The following ERBB4 variants were observed in gnomAD, a reference collection of about 807,000 sequenced individuals.
ERBB4 encodes receptor tyrosine-protein kinase erbB-4.
In ERBB4, 42 loss-of-function variants were observed where a neutral mutation model predicts 158.0. The ratio of observed to expected loss-of-function variants is 0.27; its 90% CI spans 0.21 to 0.34. The LOEUF (loss-of-function observed/expected upper bound fraction) is 0.34. ERBB4 is among the 10% of genes least tolerant of loss of function. The pLI is 1.00. For missense variants in ERBB4, 1,333 were observed against 1,624.1 expected, an observed-to-expected ratio of 0.82 and a Z score of 3.08; for synonymous variants, 583 against 558.7, an observed-to-expected ratio of 1.04 and a Z score of -0.61.
chr2:211,605,789 A>AT (rs1016144411), intron 19 of ERBB4, among the ~76,000 whole-genome samples: 2 of 152,092 alleles, frequency 1.3e-5, no homozygotes, highest in African/African-American at 2.4e-5. Context: ...AACAAGAATC[A>AT]TTTTTTTAAC....
At chr2:212,168,089 CT>C (rs1314450805) in intron 1 of ERBB4, among the ~76,000 whole-genome samples, 3 of 151,404 alleles carry the variant, frequency 2.0e-5, no homozygotes, top group African/African-American at 7.3e-5. Flanking sequence ...AAAAACTTGT[CT>C]CATTTCCCTT....
chr2:211,991,093 A>G (rs2082064807), intron 2 of ERBB4, among the ~76,000 whole-genome samples: 1 of 152,068 alleles, frequency 6.6e-6, no homozygotes, highest in Non-Finnish European at 1.5e-5. Context: ...AGTGATGTCT[A>G]TAGCTGACAT....
chr2:211,737,667 C>T (rs1429467272), intron 5 of ERBB4, among the ~76,000 whole-genome samples: 2 of 152,050 alleles, frequency 1.3e-5, no homozygotes, highest in Non-Finnish European at 2.9e-5. Flanking sequence ...CTGTACTTAC[C>T]TCATGAAGCT....
chr2:211,669,420 A>C (rs1574955578), intron 14 of ERBB4, among the ~76,000 whole-genome samples: 1 of 151,660 alleles, frequency 6.6e-6, no homozygotes, highest in Non-Finnish European at 1.5e-5. Flanking sequence ...TTCCCTTACT[A>C]TTTTTTCTCT....
At chr2:211,817,838 A>G (rs13015301) in intron 3 of ERBB4, among the ~76,000 whole-genome samples, 79 of 152,162 alleles carry the variant, frequency 5.2e-4, no homozygotes, top group Non-Finnish European at 1.0e-3. Context: ...CATGACAGCA[A>G]CATTCAAGGG....
chr2:211,527,667 A>C (rs1559262307), intron 20 of ERBB4, among the ~76,000 whole-genome samples: 1 of 152,110 alleles, frequency 6.6e-6, no homozygotes, highest in Non-Finnish European at 1.5e-5. Flanking sequence ...TAGGCAGTAT[A>C]ATAAGATATA....
intron 4 of ERBB4, among the ~76,000 whole-genome samples, chr2:211,763,915 A>ACACACACACACACAAAT (rs1553627666): frequency 2.8e-5 from 1 of 36,210 alleles, no homozygotes; most frequent in African/African-American, 1.1e-4. Flanking sequence ...CACACACACA[A>ACACACACACACACAAAT]ATATATGTAT....
intron 1 of ERBB4, among the ~76,000 whole-genome samples, chr2:212,208,820 T>C (rs1302711750): frequency 6.6e-6 from 1 of 152,196 alleles, no homozygotes; most frequent in Non-Finnish European, 1.5e-5. Flanking sequence ...TCTAACCCCT[T>C]ATTCCATACT....
At chr2:212,471,844 C>A (rs1689132492) in intron 1 of ERBB4, among the ~76,000 whole-genome samples, 1 of 151,696 alleles carries the variant, frequency 6.6e-6, no homozygotes, top group African/African-American at 2.4e-5. Flanking sequence ...CAGCCAAAAG[C>A]AAATCTAGAT....
chr2:212,511,608 T>C (rs1222801021), intron 1 of ERBB4, among the ~76,000 whole-genome samples: 3 of 152,148 alleles, frequency 2.0e-5, no homozygotes, highest in Non-Finnish European at 4.4e-5. Flanking sequence ...AATAGATACT[T>C]ATTTTTTTTC....
intron 2 of ERBB4, among the ~76,000 whole-genome samples, chr2:212,024,910 T>C (rs1521539): frequency 0.89 from 135,744 of 151,746 alleles, 62,375 homozygotes; most frequent in East Asian, 1. Context: ...CATTCCATGC[T>C]ATCCTTTCCT....
rs1037293282 is a variant in ERBB4, at chr2:212,204,766, G to A, written c.83-79863C>T. On this transcript the variant is annotated intron_variant, in intron 1 of 27. Transcript: ENST00000342788. Reference sequence around the variant, plus strand: ...CAGAAATAAGATTAACATCAAGTTGGAACACAGTTCTAAATCTTTGTCTCC... The same window carrying A: ...CAGAAATAAGATTAACATCAAGTTGAAACACAGTTCTAAATCTTTGTCTCC... 2.3e-4 allele frequency among the ~76,000 whole-genome samples: 34 copies of A among 148,610 alleles called. 1 individual carries two copies. Among genetic ancestry groups the A allele is most frequent in the African/African-American group, 7.9e-4 (32 of 40,658 alleles).
At chr2:212,392,623 G>T (rs889701521) in intron 1 of ERBB4, among the ~76,000 whole-genome samples, 1 of 152,002 alleles carries the variant, frequency 6.6e-6, no homozygotes, top group Non-Finnish European at 1.5e-5. Context: ...AATGTCATTC[G>T]ATATTAAGCT....
intron 25 of ERBB4, among the ~76,000 whole-genome samples, chr2:211,414,935 T>TAA (rs1488123979): frequency 6.6e-6 from 1 of 152,088 alleles, no homozygotes; most frequent in Non-Finnish European, 1.5e-5. Context: ...CTTTGTGAAA[T>TAA]AAAAGTGAGA....
intron 1 of ERBB4, among the ~76,000 whole-genome samples, chr2:212,319,944 G>A (rs1160610545): frequency 6.7e-6 from 1 of 150,202 alleles, no homozygotes; most frequent in East Asian, 2.0e-4. Context: ...TTCAAGATCT[G>A]AATAGGAATC....
chr2:211,785,132 T>A (rs1404129219), intron 4 of ERBB4, among the ~76,000 whole-genome samples: 2 of 150,170 alleles, frequency 1.3e-5, no homozygotes, highest in Non-Finnish European at 3.0e-5. Flanking sequence ...AGACGGAGTC[T>A]CACTCTGTCC....
chr2:211,636,123 A>C (rs1189036825), intron 16 of ERBB4, among the ~76,000 whole-genome samples: 3 of 152,040 alleles, frequency 2.0e-5, no homozygotes, highest in African/African-American at 7.2e-5. Flanking sequence ...TTTTAAAAAA[A>C]AAGTATATAA....
intron 19 of ERBB4, among the ~76,000 whole-genome samples, chr2:211,580,789 T>G (rs1416472376): frequency 5.4e-4 from 1 of 1,838 alleles, no homozygotes; most frequent in African/African-American, 2.9e-3. Context: ...GAAATTGTGA[T>G]ATATATATAT....
chr2:211,832,552 T>G (rs2077244649), intron 3 of ERBB4, among the ~76,000 whole-genome samples: 1 of 150,178 alleles, frequency 6.7e-6, no homozygotes, highest in African/African-American at 2.4e-5. Flanking sequence ...GAAATAACAA[T>G]TAAATAAATA....
Sources: gnomAD v4.1 joint callset for allele counts (sites outside exome capture counted in the v4.1 genomes callset) on GRCh38, gnomAD v4.1.1 for gene constraint, MANE v1.5 for transcripts, NCBI Gene and HGNC (gene_info 2026-07-23, HGNC 2026-07-21) for gene names.